The following DRC9 variants were observed in gnomAD, a reference collection of about 807,000 sequenced individuals.
DRC9 encodes dynein regulatory complex subunit 9.
the DRC9 span, among the ~76,000 whole-genome samples, chr3:197,892,434 A>T: frequency 2.0e-5 from 3 of 152,306 alleles, no homozygotes; most frequent in African/African-American, 7.2e-5. Flanking sequence ...GTGGCTTATA[A>T]GCGCACCTCT....
chr3:197,938,453 TA>T, the DRC9 span: 1 of 835,748 alleles, frequency 1.2e-6, no homozygotes, highest in Non-Finnish European at 2.0e-6. Context: ...CAGTAATGAC[TA>T]ACCTGTAGAC....
chr3:197,950,266 A>T, the DRC9 span: 1 of 1,230,360 alleles, frequency 8.1e-7, no homozygotes, highest in Admixed American at 4.2e-5. Context: ...AAATAACCGG[A>T]GTAGGTTTGT....
chr3:197,951,348 G>C, the DRC9 span: 1 of 1,606,660 alleles, frequency 6.2e-7, no homozygotes, highest in Non-Finnish European at 8.5e-7. Flanking sequence ...GGGTTTTTGA[G>C]ATCTGCCTCA....
At chr3:197,912,118 G>A in the DRC9 span, among the ~76,000 whole-genome samples, 1 of 151,752 alleles carries the variant, frequency 6.6e-6, no homozygotes, top group Non-Finnish European at 1.5e-5. Context: ...TCAGCTCACT[G>A]CATCCTCTGC....
At chr3:197,913,840 T>C in the DRC9 span, 22 of 1,597,324 alleles carry the variant, frequency 1.4e-5, no homozygotes, top group Non-Finnish European at 1.8e-5. Flanking sequence ...GACAGCTCAA[T>C]TGCCATCTCC....
chr3:197,941,287 T>A, the DRC9 span, among the ~76,000 whole-genome samples: 2 of 106,414 alleles, frequency 1.9e-5, no homozygotes, highest in African/African-American at 8.0e-5. Context: ...CCTCTCTTCC[T>A]TTCTTTCTTT....
At chr3:197,936,519 T>C in the DRC9 span, among the ~76,000 whole-genome samples, 21 of 152,208 alleles carry the variant, frequency 1.4e-4, no homozygotes, top group East Asian at 3.9e-3. Context: ...CCCACCACCA[T>C]GCCCAGCTAC....
chr3:197,906,222 G>C, the DRC9 span: 2 of 152,160 alleles, frequency 1.3e-5, no homozygotes, highest in Non-Finnish European at 2.9e-5. Flanking sequence ...GCGGCTGCCA[G>C]CGGTATGTGG....
At chr3:197,950,958 A>G in the DRC9 span, 4 of 1,614,140 alleles carry the variant, frequency 2.5e-6, no homozygotes, top group South Asian at 1.1e-5. Flanking sequence ...CGGGACTTCT[A>G]AAAGGAACTA....
chr3:197,902,310 C>G, the DRC9 span, among the ~76,000 whole-genome samples: 1 of 152,098 alleles, frequency 6.6e-6, no homozygotes, highest in East Asian at 1.9e-4. Flanking sequence ...TGCCCATATA[C>G]CGATGAACAT....
the DRC9 span, among the ~76,000 whole-genome samples, chr3:197,903,043 A>G: frequency 6.6e-6 from 1 of 152,222 alleles, no homozygotes; most frequent in Non-Finnish European, 1.5e-5. Flanking sequence ...CACTGAATTC[A>G]TTTTTGACAA....
At chr3:197,949,000 T>C in the DRC9 span, among the ~76,000 whole-genome samples, 1 of 152,206 alleles carries the variant, frequency 6.6e-6, no homozygotes, top group Non-Finnish European at 1.5e-5. Context: ...TTCAGGACCC[T>C]TAAATAGTTC....
At chr3:197,912,046 GGTTTTT>G in the DRC9 span, among the ~76,000 whole-genome samples, 5 of 150,534 alleles carry the variant, frequency 3.3e-5, no homozygotes, top group African/African-American at 9.8e-5. Context: ...GTCTTTTTTT[GGTTTTT>G]GTTTTTGAGA....
At chr3:197,916,968 C>T in the DRC9 span, among the ~76,000 whole-genome samples, 1 of 152,022 alleles carries the variant, frequency 6.6e-6, no homozygotes, top group Non-Finnish European at 1.5e-5. Context: ...TCAAAGCCAT[C>T]CTGGGCCGCA....
the DRC9 span, chr3:197,912,664 TG>T: frequency 6.2e-7 from 1 of 1,608,864 alleles, no homozygotes. Flanking sequence ...AGAAAAGCTG[TG>T]GGGACCCACC....
the DRC9 span, among the ~76,000 whole-genome samples, chr3:197,933,486 C>G: frequency 6.6e-6 from 1 of 151,828 alleles, no homozygotes; most frequent in South Asian, 2.1e-4. Context: ...TTGATTAGGT[C>G]TTTAAAAAAA....
At chr3:197,941,181 T>C in the DRC9 span, among the ~76,000 whole-genome samples, 3,775 of 134,004 alleles carry the variant, frequency 0.028, 80 homozygotes, top group South Asian at 0.063. Context: ...CCTCTCTCTC[T>C]CCCCTCTCTC....
At chr3:197,910,628 GTAT>G in the DRC9 span, among the ~76,000 whole-genome samples, 7 of 152,188 alleles carry the variant, frequency 4.6e-5, no homozygotes, top group African/African-American at 1.7e-4. Flanking sequence ...AAGGCAAGCT[GTAT>G]TATAACTAAG....
the DRC9 span, chr3:197,894,598 A>G: frequency 6.6e-6 from 1 of 152,238 alleles, no homozygotes. Flanking sequence ...AGATTCGTGA[A>G]GCATTCCATA....
Sources: gnomAD v4.1 joint callset for allele counts (sites outside exome capture counted in the v4.1 genomes callset) on GRCh38, gnomAD v4.1.1 for gene constraint, MANE v1.5 for transcripts, NCBI Gene and HGNC (gene_info 2026-07-23, HGNC 2026-07-21) for gene names.